Variants in DEUP1 observed in about 807,000 individuals in gnomAD.
The protein encoded by DEUP1 is coiled-coil domain containing 67.
DEUP1 carries 82 observed loss-of-function variants against 87.4 expected under a neutral mutation model. The observed-to-expected ratio is 0.94, with a 90% CI of 0.78 to 1.13. DEUP1 has a LOEUF of 1.13. Ranked by LOEUF, DEUP1 falls within the 50% of genes most tolerant of loss-of-function variation. The pLI is 0.00. For missense variants in DEUP1, 663 were observed against 681.5 expected (o/e 0.97, Z 0.30); for synonymous variants, 214 against 222.7 (o/e 0.96, Z 0.35).
chr11:93,391,024 G>A lies in DEUP1; in HGVS notation c.1041+1899G>A, dbSNP rs375840831. Reference sequence around the variant, plus strand: ...TTGAACTCGGGAGGCGGAGGTTGCAGTGAGCCGAGATTGCGCCATGGCACT... The same window carrying A: ...TTGAACTCGGGAGGCGGAGGTTGCAATGAGCCGAGATTGCGCCATGGCACT... On this transcript the variant is annotated intron_variant, in intron 9 of 13. Coordinates refer to ENST00000298050, the MANE Select transcript of DEUP1 (RefSeq NM_181645.4). 1.1e-4 allele frequency among the ~76,000 whole-genome samples: 16 copies of A among 150,620 alleles called. 2 individuals are homozygous for A. Among genetic ancestry groups the A allele is most frequent in the Admixed American group, 8.6e-4 (13 of 15,134 alleles).
At chr11:93,417,594 G>A (rs1947689189) in intron 13 of DEUP1, among the ~76,000 whole-genome samples, 1 of 152,174 alleles carries the variant, frequency 6.6e-6, no homozygotes, top group South Asian at 2.1e-4. Context: ...TCATGAAAAT[G>A]GCCATACTGC....
intron 7 of DEUP1, among the ~76,000 whole-genome samples, chr11:93,374,846 GA>G (rs1425916084): frequency 1.3e-5 from 2 of 151,924 alleles, no homozygotes; most frequent in Non-Finnish European, 2.9e-5. Context: ...GAATTTCATT[GA>G]ATTTGAAGAT....
intron 7 of DEUP1, among the ~76,000 whole-genome samples, chr11:93,377,907 A>G (rs3019206): frequency 0.79 from 120,512 of 151,980 alleles, 47,855 homozygotes; most frequent in East Asian, 0.89. Flanking sequence ...TAATTGTTTC[A>G]TTTAAGGAGC....
chr11:93,353,394 G>A (rs926155637), intron 2 of DEUP1, among the ~76,000 whole-genome samples: 1 of 152,162 alleles, frequency 6.6e-6, no homozygotes, highest in African/African-American at 2.4e-5. Context: ...GGCTGGCATT[G>A]AGTGTCTGTG....
At chr11:93,371,489 C>T (rs925820158) in intron 7 of DEUP1, among the ~76,000 whole-genome samples, 13 of 152,122 alleles carry the variant, frequency 8.5e-5, no homozygotes, top group Admixed American at 2.0e-4. Flanking sequence ...TTTGGTTCTG[C>T]GGTGGCATAA....
chr11:93,430,873 A>T (rs1948082094), intron 13 of DEUP1, among the ~76,000 whole-genome samples: 1 of 152,184 alleles, frequency 6.6e-6, no homozygotes, highest in South Asian at 2.1e-4. Context: ...AGGTGGTCAG[A>T]TCACCTGAGG....
At chr11:93,430,156 G>A (rs1368726651) in intron 13 of DEUP1, among the ~76,000 whole-genome samples, 1 of 152,100 alleles carries the variant, frequency 6.6e-6, no homozygotes, top group Non-Finnish European at 1.5e-5. Context: ...TCTGGCTACT[G>A]TTTCCCAGCC....
Position 93,370,084 on chromosome 11 carries a change from A to G in DEUP1, c.444A>G (p.Ala148=), listed in dbSNP as rs1158580005. The change falls in exon 6 of 14, where the codon GCA becomes GCG. Residue 148 remains alanine, a synonymous_variant. Transcript: ENST00000298050. ...CCACTTTTTAAAAGGAATTTAGAGCAAAGTCAAGAGAATGGGACAAGCAAG... is the reference window on the plus strand; with the variant it reads ...CCACTTTTTAAAAGGAATTTAGAGCGAAGTCAAGAGAATGGGACAAGCAAG... ...NLNQKLEEFR[A]KSREWDKQEI... is the part of the protein sequence containing the mutation. The G allele has an allele frequency of 6.3e-7, 1 of 1,594,246 alleles. No individual in the cohort carries two copies.
chr11:93,397,783 C>T (rs1946985145), intron 11 of DEUP1, among the ~76,000 whole-genome samples: 1 of 152,088 alleles, frequency 6.6e-6, no homozygotes, highest in South Asian at 2.1e-4. Flanking sequence ...TGTTCTTTTA[C>T]AGAAATAAAT....
rs577182661 is a variant in DEUP1 at position 93,436,014 on chromosome 11, T to A, written c.1639-1529T>A. 2.1e-3 allele frequency among the ~76,000 whole-genome samples: 305 copies of A among 145,100 alleles called. 1 individual carries two copies. Among genetic ancestry groups the A allele is most frequent in the African/African-American group, 6.1e-3 (239 of 39,090 alleles). ...CCGTCTCAAAAAAAAAAAAAAAAAA[T>A]TTTTTCTGTGTCACCCAATAAATGA... On this transcript the variant is annotated intron_variant, in intron 13 of 13. Transcript: ENST00000298050.
intron 4 of DEUP1, among the ~76,000 whole-genome samples, chr11:93,358,560 G>A (rs1263699835): frequency 6.6e-6 from 1 of 152,048 alleles, no homozygotes; most frequent in Non-Finnish European, 1.5e-5. Context: ...CAAAGATATT[G>A]GACAATGGAG....
At chr11:93,409,467 T>C (rs760279747) in intron 12 of DEUP1, among the ~76,000 whole-genome samples, 1 of 152,252 alleles carries the variant, frequency 6.6e-6, no homozygotes, top group South Asian at 2.1e-4. Context: ...GTTTATTTTA[T>C]ACAATATTTC....
intron 4 of DEUP1, among the ~76,000 whole-genome samples, chr11:93,361,569 T>C (rs1945178397): frequency 6.6e-6 from 1 of 151,966 alleles, no homozygotes; most frequent in South Asian, 2.1e-4. Flanking sequence ...CAAACACCAA[T>C]AGACTGTGAT....
intron 13 of DEUP1, among the ~76,000 whole-genome samples, chr11:93,432,072 T>C (rs1200495141): frequency 6.6e-6 from 1 of 152,222 alleles, no homozygotes; most frequent in African/African-American, 2.4e-5. Context: ...GGTTGGTATT[T>C]AAGTCTATAG....
At chr11:93,412,352 C>A (rs1947461668) in intron 12 of DEUP1, among the ~76,000 whole-genome samples, 1 of 152,120 alleles carries the variant, frequency 6.6e-6, no homozygotes, top group Admixed American at 6.6e-5. Flanking sequence ...ATATTAAAAG[C>A]CTTCCAAAAT....
chr11:93,342,945 G>T (rs1205686001), intron 2 of DEUP1, among the ~76,000 whole-genome samples: 1 of 152,220 alleles, frequency 6.6e-6, no homozygotes, highest in Non-Finnish European at 1.5e-5. Context: ...AGATGGAATG[G>T]ACTGGAGTGG....
intron 4 of DEUP1, among the ~76,000 whole-genome samples, chr11:93,358,245 T>G (rs1219449510): frequency 6.6e-6 from 1 of 152,226 alleles, no homozygotes; most frequent in African/African-American, 2.4e-5. Flanking sequence ...AGTTCTTGGC[T>G]TTGTTTACAG....
At chr11:93,378,932 C>T (rs1946168829) in intron 7 of DEUP1, among the ~76,000 whole-genome samples, 1 of 150,598 alleles carries the variant, frequency 6.6e-6, no homozygotes, top group South Asian at 2.1e-4. Flanking sequence ...TCCCATCTGC[C>T]ATTTTTCCCT....
At chr11:93,403,701 C>A (rs1031351895) in intron 11 of DEUP1, among the ~76,000 whole-genome samples, 1 of 151,268 alleles carries the variant, frequency 6.6e-6, no homozygotes, top group Non-Finnish European at 1.5e-5. Context: ...AGTTAATTTT[C>A]TCTTTCTGCT....
Sources: allele counts gnomAD v4.1 joint callset (sites outside exome capture counted in the v4.1 genomes callset), GRCh38; gene constraint gnomAD v4.1.1; transcripts MANE v1.5; gene names NCBI Gene and HGNC (gene_info 2026-07-23, HGNC 2026-07-21).